NBAS: variants seen among roughly 807,000 people sequenced by gnomAD.
The protein encoded by NBAS is NAG/BC035112 fusion.
In NBAS, 219 loss-of-function variants were observed where a neutral mutation model predicts 302.5. That is an observed-to-expected ratio of 0.72 (90% CI 0.65 to 0.81). The LOEUF (loss-of-function observed/expected upper bound fraction) is 0.81, where lower values mean the gene tolerates loss of function less well. Ranked by LOEUF, NBAS falls within the 30% of genes least tolerant of loss-of-function variation. NBAS has a pLI of 0.00. For synonymous variants in NBAS, 1,118 were observed against 1,021.6 expected, an observed-to-expected ratio of 1.09 and a Z score of -1.80; for missense variants, 2,932 against 2,841.6, an observed-to-expected ratio of 1.03 and a Z score of -0.72.
At chr2:15,528,387 A>G (rs1425879023) in intron 9 of NBAS, among the ~76,000 whole-genome samples, 4 of 148,054 alleles carry the variant, frequency 2.7e-5, no homozygotes, top group Non-Finnish European at 6.0e-5. Context: ...GTACATTTAC[A>G]TATACAATAT....
chr2:15,433,915 A>G (rs1461507170), intron 21 of NBAS, among the ~76,000 whole-genome samples: 17 of 151,892 alleles, frequency 1.1e-4, no homozygotes, highest in Admixed American at 1.1e-3. Flanking sequence ...CCCCGGCAAC[A>G]GAGCAAGACC....
intron 50 of NBAS, among the ~76,000 whole-genome samples, chr2:15,181,882 T>C (rs1664842306): frequency 6.6e-6 from 1 of 152,190 alleles, no homozygotes; most frequent in African/African-American, 2.4e-5. Context: ...GCACAAGGTA[T>C]GCAGGGATTG....
chr2:15,094,203 C>A, the NBAS span, among the ~76,000 whole-genome samples: 1 of 152,194 alleles, frequency 6.6e-6, no homozygotes, highest in Admixed American at 6.5e-5. Context: ...CAGTCCAGTC[C>A]AGCCCTCACT....
the NBAS span, among the ~76,000 whole-genome samples, chr2:14,990,372 C>A: frequency 6.6e-6 from 1 of 151,386 alleles, no homozygotes; most frequent in African/African-American, 2.4e-5. Context: ...TGCAGGGAGC[C>A]GAGATCATGC....
rs923332720 is a variant in NBAS at position 15,236,833 on chromosome 2, A to T, written c.5943+1635T>A. ...TTCTATATTGTTCATACCATTATTT[A>T]ACATTATTCATTAGACAGAAAAATA... On this transcript the variant is annotated intron_variant, in intron 45 of 51. Transcript: ENST00000281513. 1.1e-4 allele frequency among the ~76,000 whole-genome samples: 16 copies of T among 152,260 alleles called. No homozygotes were observed. The East Asian group carries it at 1.5e-3, about 15-fold the overall frequency.
At chr2:15,425,582 A>G (rs866125558) in intron 22 of NBAS, among the ~76,000 whole-genome samples, 12 of 152,230 alleles carry the variant, frequency 7.9e-5, no homozygotes, top group African/African-American at 2.4e-4. Flanking sequence ...GCCTTTGACA[A>G]CCTACTTTGC....
intron 46 of NBAS, 43 bp downstream of exon 46, chr2:15,234,502 A>T (rs1353723055): frequency 6.3e-7 from 1 of 1,592,686 alleles, no homozygotes; most frequent in African/African-American, 1.3e-5. Flanking sequence ...TCACTGACAA[A>T]GTGTCACCCC....
At chr2:14,884,989 A>T in the NBAS span, among the ~76,000 whole-genome samples, 1 of 152,296 alleles carries the variant, frequency 6.6e-6, no homozygotes, top group East Asian at 1.9e-4. Flanking sequence ...AGGGAGAGAG[A>T]ACACACAAGG....
chr2:14,883,062 C>G, the NBAS span, among the ~76,000 whole-genome samples: 1 of 152,198 alleles, frequency 6.6e-6, no homozygotes. Flanking sequence ...TTTATAACTG[C>G]TAAAATGTGC....
the NBAS span, among the ~76,000 whole-genome samples, chr2:14,854,685 C>A: frequency 6.6e-6 from 1 of 152,094 alleles, no homozygotes; most frequent in Non-Finnish European, 1.5e-5. Flanking sequence ...CCTGTTAGAG[C>A]AGAAAGGAAA....
At chr2:15,349,775 G>A (rs930387969) in intron 35 of NBAS, among the ~76,000 whole-genome samples, 2 of 152,186 alleles carry the variant, frequency 1.3e-5, no homozygotes, top group Admixed American at 6.6e-5. Context: ...CCAACAGAGT[G>A]AAACCTCATC....
Position 15,536,562 on chromosome 2 carries a change from G to A in NBAS, c.514-11C>T, listed in dbSNP as rs10208972. Reference sequence around the variant, plus strand: ...TATAAAACTAGATGCCTACAGAAGAGGGGGAAATTAAGTTACTAAAAAAAA... The same window carrying A: ...TATAAAACTAGATGCCTACAGAAGAAGGGGAAATTAAGTTACTAAAAAAAA... On this transcript the variant is annotated splice_polypyrimidine_tract_variant and intron_variant, in intron 7 of 51. Transcript: ENST00000281513. The A allele has an allele frequency of 0.65, 1,033,427 of 1,588,264 alleles. 341,963 individuals carry two copies. The highest frequency in any genetic ancestry group is 0.68 in the Non-Finnish European group (792,500 of 1,169,626).
chr2:15,374,752 A>G (rs1247913736), intron 30 of NBAS, 32 bp from the exon 31 acceptor site: 1 of 1,555,734 alleles, frequency 6.4e-7, no homozygotes, highest in Non-Finnish European at 8.9e-7. Context: ...TTTAAAAAGA[A>G]GCAACATATG....
At chr2:15,557,078 G>A (rs1191553612) in intron 2 of NBAS, among the ~76,000 whole-genome samples, 1 of 152,046 alleles carries the variant, frequency 6.6e-6, no homozygotes, top group Non-Finnish European at 1.5e-5. Flanking sequence ...AGAAATAAAA[G>A]CAGTTTGAGA....
the NBAS span, among the ~76,000 whole-genome samples, chr2:14,870,067 T>C: frequency 1.3e-5 from 2 of 152,316 alleles, no homozygotes; most frequent in Non-Finnish European, 2.9e-5. Context: ...CAAACATTGG[T>C]CAACAGGTAG....
the NBAS span, among the ~76,000 whole-genome samples, chr2:14,948,554 A>G: frequency 2.0e-5 from 3 of 152,100 alleles, no homozygotes; most frequent in East Asian, 1.9e-4. Context: ...GAAGTAAAAG[A>G]TCTATACAAG....
At chr2:15,114,101 A>G in the NBAS span, among the ~76,000 whole-genome samples, 3 of 152,366 alleles carry the variant, frequency 2.0e-5, no homozygotes, top group Non-Finnish European at 2.9e-5. Flanking sequence ...GAGAAATTCA[A>G]TATGACAAAT....
chr2:15,213,904 C>T (rs566686925), intron 48 of NBAS, among the ~76,000 whole-genome samples: 2 of 152,296 alleles, frequency 1.3e-5, no homozygotes, highest in African/African-American at 4.8e-5. Context: ...GGAGCTATAT[C>T]CAAACATTTC....
intron 9 of NBAS, among the ~76,000 whole-genome samples, chr2:15,527,664 C>T (rs544520076): frequency 1.3e-5 from 2 of 152,178 alleles, no homozygotes; most frequent in Non-Finnish European, 2.9e-5. Flanking sequence ...GTCTTAATGC[C>T]GTCGCATTGG....
Sources: gnomAD v4.1 joint callset for allele counts (sites outside exome capture counted in the v4.1 genomes callset) on GRCh38, gnomAD v4.1.1 for gene constraint, MANE v1.5 for transcripts, NCBI Gene and HGNC (gene_info 2026-07-23, HGNC 2026-07-21) for gene names.